ESRRB: variants seen among roughly 807,000 people sequenced by gnomAD.
The protein encoded by ESRRB is steroid hormone receptor ERR2.
ESRRB carries 16 observed loss-of-function variants against 46.0 expected under a neutral mutation model. The ratio of observed to expected loss-of-function variants is 0.35; its 90% CI spans 0.24 to 0.53. ESRRB has a LOEUF of 0.53. Ranked by LOEUF, ESRRB falls within the 20% of genes least tolerant of loss-of-function variation. The pLI is 0.93. For missense variants in ESRRB, 488 were observed against 607.4 expected, an observed-to-expected ratio of 0.80 and a Z score of 2.07; for synonymous variants, 246 against 259.6, an observed-to-expected ratio of 0.95 and a Z score of 0.50.
At chr14:76,462,039 A>G (rs1460590107) in intron 2 of ESRRB, among the ~76,000 whole-genome samples, 2 of 152,230 alleles carry the variant, frequency 1.3e-5, no homozygotes, top group African/African-American at 4.8e-5. Context: ...AAGGTTAGCA[A>G]AGCCAGGTGG....
At chr14:76,330,746 A>C (rs1884004000) in intron 1 of ESRRB, among the ~76,000 whole-genome samples, 1 of 152,076 alleles carries the variant, frequency 6.6e-6, no homozygotes, top group African/African-American at 2.4e-5. Context: ...GGTGGAGGAA[A>C]CCTTGTGAGC....
At chr14:76,466,752 C>T (rs906811681) in intron 3 of ESRRB, among the ~76,000 whole-genome samples, 1 of 151,472 alleles carries the variant, frequency 6.6e-6, no homozygotes, top group Non-Finnish European at 1.5e-5. Context: ...CAAAAAAAAG[C>T]CTCACTCTGT....
chr14:76,442,836 A>G (rs929917800), intron 2 of ESRRB, among the ~76,000 whole-genome samples: 5 of 129,368 alleles, frequency 3.9e-5, no homozygotes, highest in Admixed American at 1.7e-4. Context: ...TTTTTTTGAG[A>G]CAGAGTCTCA....
chr14:76,334,756 G>A (rs1200856931), intron 1 of ESRRB, among the ~76,000 whole-genome samples: 2 of 152,104 alleles, frequency 1.3e-5, no homozygotes, highest in Non-Finnish European at 2.9e-5. Context: ...CATTTTCTTT[G>A]GGCCGTCTCC....
At chr14:76,370,705 G>T (rs955447927), upstream of ESRRB, among the ~76,000 whole-genome samples, 1 of 152,072 alleles carries the variant, frequency 6.6e-6, no homozygotes, top group African/African-American at 2.4e-5. Flanking sequence ...AAGGGATAAA[G>T]CTATTACAGT....
At chr14:76,490,512 CCTA>C (rs1439416050) in intron 5 of ESRRB, among the ~76,000 whole-genome samples, 1 of 152,076 alleles carries the variant, frequency 6.6e-6, no homozygotes, top group Non-Finnish European at 1.5e-5. Flanking sequence ...TGAAGTAGAC[CCTA>C]CTATTATACT....
At chr14:76,447,052 T>C (rs1257707121) in intron 2 of ESRRB, among the ~76,000 whole-genome samples, 1 of 152,122 alleles carries the variant, frequency 6.6e-6, no homozygotes, top group Non-Finnish European at 1.5e-5. Flanking sequence ...TGCACTCTCT[T>C]CCATGTTCGC....
chr14:76,314,207 G>A (rs1246714981), intron 1 of ESRRB, among the ~76,000 whole-genome samples: 1 of 152,198 alleles, frequency 6.6e-6, no homozygotes, highest in African/African-American at 2.4e-5. Flanking sequence ...GTGGAAGGCA[G>A]TGTGGAGCTG....
upstream of ESRRB, among the ~76,000 whole-genome samples, chr14:76,367,686 A>C (rs34065247): frequency 0.19 from 28,414 of 152,070 alleles, 2,682 homozygotes; most frequent in Middle Eastern, 0.25. Context: ...GATCTTAGGC[A>C]CTGGGAGTAG....
chr14:76,481,709 C>T (rs539652939), intron 3 of ESRRB, among the ~76,000 whole-genome samples: 6 of 152,336 alleles, frequency 3.9e-5, no homozygotes, highest in African/African-American at 1.4e-4. Flanking sequence ...TCCGCCAACA[C>T]TTGGTAGAGT....
intron 1 of ESRRB, among the ~76,000 whole-genome samples, chr14:76,361,817 G>C (rs1884468213): frequency 6.6e-6 from 1 of 152,198 alleles, no homozygotes; most frequent in African/African-American, 2.4e-5. Context: ...TATGTGGTTG[G>C]GGAACTCCAG....
intron 1 of ESRRB, among the ~76,000 whole-genome samples, chr14:76,387,295 T>C (rs1885271587): frequency 6.6e-6 from 1 of 152,210 alleles, no homozygotes; most frequent in Admixed American, 6.5e-5. Context: ...ACCATTGTTT[T>C]AAGCCTGATG....
intron 1 of ESRRB, among the ~76,000 whole-genome samples, chr14:76,422,999 G>A (rs1346524751): frequency 6.6e-6 from 1 of 152,146 alleles, no homozygotes; most frequent in Non-Finnish European, 1.5e-5. Flanking sequence ...TTAGTTTTTA[G>A]CATTTTGAAA....
chr14:76,436,883 C>A (rs1486617526), intron 1 of ESRRB, among the ~76,000 whole-genome samples: 2 of 152,154 alleles, frequency 1.3e-5, no homozygotes, highest in Admixed American at 6.5e-5. Flanking sequence ...TCACACACTG[C>A]ATTTTGGGAG....
intron 1 of ESRRB, among the ~76,000 whole-genome samples, chr14:76,410,081 A>ACC (rs1234990313): frequency 2.6e-5 from 4 of 152,088 alleles, no homozygotes; most frequent in African/African-American, 9.7e-5. Context: ...AAAACTAGCC[A>ACC]GGCATGGTGG....
At chr14:76,472,112 G>A (rs1191791273) in intron 3 of ESRRB, among the ~76,000 whole-genome samples, 2 of 152,158 alleles carry the variant, frequency 1.3e-5, no homozygotes, top group Non-Finnish European at 2.9e-5. Flanking sequence ...AAGCCTATTC[G>A]AACCTCACGG....
intron 1 of ESRRB, among the ~76,000 whole-genome samples, chr14:76,325,576 G>A (rs1250357412): frequency 6.6e-6 from 1 of 152,076 alleles, no homozygotes; most frequent in Admixed American, 6.5e-5. Flanking sequence ...GAAGTAGGTG[G>A]TATCTCCAGT....
intron 1 of ESRRB, among the ~76,000 whole-genome samples, chr14:76,420,122 G>A (rs770158649): frequency 1.3e-5 from 2 of 152,142 alleles, no homozygotes; most frequent in Non-Finnish European, 2.9e-5. Flanking sequence ...TAACCCTTGA[G>A]TTACCTGTGA....
At chr14:76,446,082 C>T (rs1274269454) in intron 2 of ESRRB, among the ~76,000 whole-genome samples, 1 of 152,212 alleles carries the variant, frequency 6.6e-6, no homozygotes, top group African/African-American at 2.4e-5. Flanking sequence ...GCCTGTAAGC[C>T]AGCCACCCTT....
Sources: gnomAD v4.1 joint callset for allele counts (sites outside exome capture counted in the v4.1 genomes callset) on GRCh38, gnomAD v4.1.1 for gene constraint, MANE v1.5 for transcripts, NCBI Gene and HGNC (gene_info 2026-07-23, HGNC 2026-07-21) for gene names.